Variants in PRKG1 observed in about 807,000 individuals in gnomAD.
PRKG1 encodes the protein cGMP-dependent protein kinase 1.
In PRKG1, 35 loss-of-function variants were observed where a neutral mutation model predicts 88.1. The observed-to-expected ratio is 0.40, with a 90% CI of 0.30 to 0.53. PRKG1 has a LOEUF of 0.53. PRKG1 is among the 20% of genes least tolerant of loss of function. The pLI is 0.59. For synonymous variants in PRKG1, 303 were observed against 292.5 expected (o/e 1.04, Z -0.37); for missense variants, 540 against 839.8 (o/e 0.64, Z 4.41).
At chr10:52,171,786 A>AATTTTTT (rs1172317696) in intron 9 of PRKG1, among the ~76,000 whole-genome samples, 1 of 93,860 alleles carries the variant, frequency 1.1e-5, no homozygotes, top group African/African-American at 4.3e-5. Flanking sequence ...TTTTATCAAA[A>AATTTTTT]TTTTTTTTTT....
intron 1 of PRKG1, among the ~76,000 whole-genome samples, chr10:51,008,028 G>T (rs1842958180): frequency 6.6e-6 from 1 of 152,152 alleles, no homozygotes; most frequent in African/African-American, 2.4e-5. Context: ...CAAGACGTCT[G>T]GCTCTAGGGC....
chr10:52,282,404 T>A, intron 14 of PRKG1, 88 bp downstream of exon 14: 1 of 1,265,350 alleles, frequency 7.9e-7, no homozygotes, highest in South Asian at 2.0e-5. Flanking sequence ...TAGACCATCT[T>A]AAAGTACTTT....
chr10:51,284,905 T>A (rs1418105791), intron 2 of PRKG1, among the ~76,000 whole-genome samples: 8 of 149,612 alleles, frequency 5.3e-5, no homozygotes, highest in South Asian at 2.1e-4. Flanking sequence ...TCTTTTTTTT[T>A]TTATTATACT....
chr10:51,201,813 A>G (rs1168332801), intron 2 of PRKG1, among the ~76,000 whole-genome samples: 1 of 152,252 alleles, frequency 6.6e-6, no homozygotes, highest in Non-Finnish European at 1.5e-5. Context: ...CCCTGATATC[A>G]GACTTCCAGC....
intron 10 of PRKG1, among the ~76,000 whole-genome samples, chr10:52,267,228 G>T (rs766040729): frequency 6.7e-6 from 1 of 149,810 alleles, no homozygotes; most frequent in Non-Finnish European, 1.5e-5. Flanking sequence ...AATACAAATT[G>T]CTATAACTGA....
intron 2 of PRKG1, among the ~76,000 whole-genome samples, chr10:51,377,941 C>T (rs1359762637): frequency 1.3e-5 from 2 of 152,202 alleles, no homozygotes; most frequent in African/African-American, 4.8e-5. Context: ...GGGTTAGACT[C>T]CTGGCTCTGG....
intron 4 of PRKG1, among the ~76,000 whole-genome samples, chr10:51,871,093 C>T (rs1447873478): frequency 2.0e-5 from 3 of 152,160 alleles, no homozygotes; most frequent in Non-Finnish European, 4.4e-5. Flanking sequence ...GGAAGTACTT[C>T]TTAATTAACA....
intron 2 of PRKG1, among the ~76,000 whole-genome samples, chr10:51,164,339 T>C (rs1183080925): frequency 6.6e-6 from 1 of 152,246 alleles, no homozygotes; most frequent in African/African-American, 2.4e-5. Context: ...CTGAGGGTCC[T>C]GTCTGTTAGA....
At chr10:52,229,977 T>G (rs1168866873) in intron 9 of PRKG1, among the ~76,000 whole-genome samples, 3 of 152,174 alleles carry the variant, frequency 2.0e-5, no homozygotes, top group Non-Finnish European at 4.4e-5. Flanking sequence ...TTTTATTCGC[T>G]GGTACCTGAT....
chr10:51,292,448 C>T (rs1450440128), intron 2 of PRKG1, among the ~76,000 whole-genome samples: 1 of 152,142 alleles, frequency 6.6e-6, no homozygotes, highest in Non-Finnish European at 1.5e-5. Flanking sequence ...GTATTTTCTA[C>T]ATGGTAATTT....
intron 7 of PRKG1, among the ~76,000 whole-genome samples, chr10:52,124,274 G>C (rs1847883299): frequency 6.6e-6 from 1 of 152,112 alleles, no homozygotes; most frequent in African/African-American, 2.4e-5. Flanking sequence ...ACAAACCTAG[G>C]TTGTATAGCC....
At chr10:52,027,526 C>T (rs1243917478) in intron 5 of PRKG1, among the ~76,000 whole-genome samples, 1 of 152,134 alleles carries the variant, frequency 6.6e-6, no homozygotes, top group African/African-American at 2.4e-5. Context: ...GAACAAGTTT[C>T]TTAAACAATC....
chr10:51,180,171 C>T (rs928376306), intron 2 of PRKG1, among the ~76,000 whole-genome samples: 7 of 152,108 alleles, frequency 4.6e-5, no homozygotes, highest in Non-Finnish European at 7.4e-5. Context: ...CAGGAGTTTT[C>T]GACACCACTC....
chr10:52,054,954 C>A (rs1302908980), intron 6 of PRKG1, among the ~76,000 whole-genome samples: 2 of 151,966 alleles, frequency 1.3e-5, no homozygotes, highest in Non-Finnish European at 2.9e-5. Flanking sequence ...AGGCAACATG[C>A]CAAAACCTCA....
chr10:52,234,255 T>C (rs1040243385), intron 9 of PRKG1, among the ~76,000 whole-genome samples: 30 of 151,910 alleles, frequency 2.0e-4, no homozygotes, highest in African/African-American at 6.1e-4. Flanking sequence ...AAACGCAGAG[T>C]GTCTCTCCTC....
chr10:51,119,649 G>A (rs550526469), intron 1 of PRKG1, among the ~76,000 whole-genome samples: 7 of 152,020 alleles, frequency 4.6e-5, no homozygotes, highest in African/African-American at 1.7e-4. Flanking sequence ...ACTCTCTAGA[G>A]ACTGTTAAAA....
intron 5 of PRKG1, among the ~76,000 whole-genome samples, chr10:51,947,680 G>A (rs956368311): frequency 6.6e-5 from 10 of 152,194 alleles, no homozygotes; most frequent in Admixed American, 6.5e-4. Context: ...CTGAGGAGAA[G>A]GAGCCCTGGG....
chr10:51,760,472 GTT>G (rs761249668), intron 3 of PRKG1, among the ~76,000 whole-genome samples: 2 of 110,034 alleles, frequency 1.8e-5, no homozygotes, highest in African/African-American at 3.3e-5. Context: ...TTGACTTTTC[GTT>G]TTTTTTTTTT....
chr10:51,978,436 C>CT lies in PRKG1; in HGVS notation c.762+70883dup, dbSNP rs34946662. Among the ~76,000 whole-genome samples the CT allele has an allele frequency of 9.2e-3, 1,237 of 134,316 alleles. 13 individuals are homozygous for CT. Among genetic ancestry groups the CT allele is most frequent in the South Asian group, 0.032 (137 of 4,254 alleles). The allele number at this position is 134,316 out of a possible 152,430, so 88.1% of individuals were successfully genotyped here. The stretch of plus-strand genomic sequence containing the variant: ...TAGGATTGCCTTGGCCATTCGGGCT[C>CT]TTTTTTTTTTTTTTTTTAGCTCCCT... On this transcript the variant is annotated intron_variant, in intron 5 of 17. Coordinates refer to ENST00000373980, the MANE Select transcript of PRKG1 (RefSeq NM_006258.4).
Sources: allele counts gnomAD v4.1 joint callset (sites outside exome capture counted in the v4.1 genomes callset), GRCh38; gene constraint gnomAD v4.1.1; transcripts MANE v1.5; gene names NCBI Gene and HGNC (gene_info 2026-07-23, HGNC 2026-07-21).